Variants in ULK4 observed in about 807,000 individuals in gnomAD.
The protein encoded by ULK4 is inactive serine/threonine-protein kinase ULK4.
Under a neutral mutation model 160.6 loss-of-function variants are expected in ULK4, and 133 were observed. The ratio of observed to expected loss-of-function variants is 0.83; its 90% CI spans 0.72 to 0.96. The LOEUF (loss-of-function observed/expected upper bound fraction) is 0.96. Ranked by LOEUF, ULK4 falls within the 40% of genes least tolerant of loss-of-function variation. The pLI, the probability that ULK4 is intolerant of heterozygous loss-of-function variation, is 0.00. For synonymous variants in ULK4, 534 were observed against 539.8 expected (o/e 0.99, Z 0.15); for missense variants, 1,580 against 1,499.5 (o/e 1.05, Z -0.89).
At chr3:41,632,049 C>G (rs896767469) in intron 30 of ULK4, among the ~76,000 whole-genome samples, 2 of 152,176 alleles carry the variant, frequency 1.3e-5, no homozygotes, top group Non-Finnish European at 2.9e-5. Context: ...TTCTTTGAAT[C>G]TTTGGCATTC....
At chr3:41,891,891 C>T (rs532676397) in intron 16 of ULK4, among the ~76,000 whole-genome samples, 3 of 152,116 alleles carry the variant, frequency 2.0e-5, no homozygotes, top group South Asian at 2.1e-4. Context: ...AGTGACTGAG[C>T]GAGACTCCGT....
chr3:41,704,968 G>C, intron 27 of ULK4, 89 bp downstream of exon 27: 1 of 976,330 alleles, frequency 1.0e-6, no homozygotes, highest in South Asian at 1.7e-5. Flanking sequence ...GAACACATAT[G>C]AGCCAAGCAC....
intron 5 of ULK4, among the ~76,000 whole-genome samples, chr3:41,930,547 C>G (rs933883235): frequency 6.6e-6 from 1 of 152,122 alleles, no homozygotes; most frequent in Non-Finnish European, 1.5e-5. Context: ...TCAGAATGAA[C>G]AGACAACTTA....
rs1292022303 is a variant in ULK4, at chr3:41,246,657, C to T, written c.*272G>A. On this transcript the variant is annotated 3_prime_UTR_variant, in exon 37 of 37. Coordinates refer to ENST00000301831, the MANE Select transcript of ULK4 (RefSeq NM_017886.4). ...CAGTGCTAACCTTAGCCCACCTGGC[C>T]CACACAGAGAGGGAAAGAACATTTC... 1 of 431,526 alleles carries T rather than the reference C, an allele frequency of 2.3e-6. No homozygotes were observed. The highest frequency in any genetic ancestry group is 4.2e-6 in the Non-Finnish European group (1 of 235,588). 26.7% of individuals were successfully genotyped at this position (431,526 alleles called of 1,614,324 possible). A position where few individuals can be genotyped will look rare whatever the true frequency, so the allele number is the denominator to read the frequency against.
intron 31 of ULK4, among the ~76,000 whole-genome samples, chr3:41,579,479 AC>A (rs2030057272): frequency 2.2e-5 from 3 of 136,858 alleles, no homozygotes; most frequent in East Asian, 2.2e-4. Flanking sequence ...TCAATCTGGA[AC>A]TAATATTTTT....
At chr3:41,640,269 T>A (rs886116335) in intron 30 of ULK4, among the ~76,000 whole-genome samples, 3 of 152,156 alleles carry the variant, frequency 2.0e-5, no homozygotes, top group Non-Finnish European at 2.9e-5. Context: ...GAAAGGTAGC[T>A]CTATACAAGT....
intron 35 of ULK4, among the ~76,000 whole-genome samples, chr3:41,285,590 G>A (rs996850714): frequency 3.3e-5 from 5 of 152,150 alleles, no homozygotes; most frequent in Non-Finnish European, 7.3e-5. Flanking sequence ...GGACTTGGGG[G>A]GAAGGGTGAG....
intron 32 of ULK4, among the ~76,000 whole-genome samples, chr3:41,473,717 A>G (rs192328355): frequency 6.6e-6 from 1 of 151,612 alleles, no homozygotes; most frequent in East Asian, 1.9e-4. Flanking sequence ...AATTTAACAA[A>G]CTTTCTGAAA....
At chr3:41,743,093 G>A (rs1389490111) in intron 22 of ULK4, among the ~76,000 whole-genome samples, 1 of 151,746 alleles carries the variant, frequency 6.6e-6, no homozygotes, top group African/African-American at 2.4e-5. Context: ...AAATTCAGCA[G>A]AAGACATAAA....
At chr3:41,621,973 AAAG>A (rs761328268) in intron 30 of ULK4, among the ~76,000 whole-genome samples, 2 of 152,246 alleles carry the variant, frequency 1.3e-5, no homozygotes, top group Admixed American at 6.5e-5. Flanking sequence ...ACACTTCTCA[AAAG>A]AAGACATTTA....
At chr3:41,940,577 G>A (rs1699917735) in intron 2 of ULK4, among the ~76,000 whole-genome samples, 1 of 152,004 alleles carries the variant, frequency 6.6e-6, no homozygotes, top group South Asian at 2.1e-4. Flanking sequence ...AGGATAGCTG[G>A]AGCCCAGGAG....
At chr3:41,684,408 C>T (rs893119) in intron 27 of ULK4, among the ~76,000 whole-genome samples, 152,342 of 152,360 alleles carry the variant, frequency 1, 76,162 homozygotes, top group Middle Eastern at 1. Flanking sequence ...AAAAACTGGA[C>T]GAGGTTTCCC....
chr3:41,570,449 G>A (rs183491981), intron 31 of ULK4, among the ~76,000 whole-genome samples: 1 of 152,256 alleles, frequency 6.6e-6, no homozygotes, highest in East Asian at 1.9e-4. Flanking sequence ...CATGTTACTC[G>A]TGATAAAGTA....
At chr3:41,859,963 TG>T (rs1363628852) in intron 17 of ULK4, among the ~76,000 whole-genome samples, 1 of 151,750 alleles carries the variant, frequency 6.6e-6, no homozygotes, top group African/African-American at 2.4e-5. Flanking sequence ...CCACTACCTC[TG>T]GCCCCCAAAT....
chr3:41,678,181 C>A (rs1042463988), intron 29 of ULK4, among the ~76,000 whole-genome samples: 11 of 106,570 alleles, frequency 1.0e-4, no homozygotes, highest in African/African-American at 4.3e-4. Flanking sequence ...ATTTCATACA[C>A]ACACACACAC....
chr3:41,394,758 T>C (rs1438300241), intron 35 of ULK4, among the ~76,000 whole-genome samples: 2 of 152,080 alleles, frequency 1.3e-5, no homozygotes, highest in Non-Finnish European at 2.9e-5. Context: ...AGACCACAAC[T>C]GAGTTGACTG....
chr3:41,945,713 C>G (rs939401587), intron 2 of ULK4, among the ~76,000 whole-genome samples: 1 of 152,218 alleles, frequency 6.6e-6, no homozygotes, highest in African/African-American at 2.4e-5. Context: ...CATCTCCACC[C>G]TGATGAACTG....
chr3:41,676,215 C>T (rs1201682841), intron 29 of ULK4, among the ~76,000 whole-genome samples: 1 of 152,126 alleles, frequency 6.6e-6, no homozygotes, highest in East Asian at 1.9e-4. Flanking sequence ...GTTTAATTGT[C>T]TTGTATTATT....
chr3:41,865,248 G>A (rs1249931687), intron 17 of ULK4, among the ~76,000 whole-genome samples: 1 of 124,506 alleles, frequency 8.0e-6, no homozygotes, highest in Admixed American at 9.8e-5. Flanking sequence ...TCCAGCCTGG[G>A]CAACAGAGCA....
Sources: gnomAD v4.1 joint callset for allele counts (sites outside exome capture counted in the v4.1 genomes callset) on GRCh38, gnomAD v4.1.1 for gene constraint, MANE v1.5 for transcripts, NCBI Gene and HGNC (gene_info 2026-07-23, HGNC 2026-07-21) for gene names.